Variants in MACROD2 observed in about 807,000 individuals in gnomAD.
MACROD2 encodes mono-ADP ribosylhydrolase 2.
MACROD2 carries 36 observed loss-of-function variants against 70.4 expected under a neutral mutation model. The ratio of observed to expected loss-of-function variants is 0.51; its 90% CI spans 0.39 to 0.68. The LOEUF (loss-of-function observed/expected upper bound fraction) is 0.68, where lower values mean the gene tolerates loss of function less well. Among genes scored for constraint, MACROD2 ranks in the 30% least tolerant of loss-of-function variants. The probability of loss-of-function intolerance (pLI) is 0.00; values close to 1 mark genes in which losing one functional copy is unlikely to be tolerated. For missense variants in MACROD2, 496 were observed against 538.4 expected, an observed-to-expected ratio of 0.92 and a Z score of 0.78; for synonymous variants, 172 against 178.8, an observed-to-expected ratio of 0.96 and a Z score of 0.30.
At chr20:15,350,936 A>G (rs1318747165) in intron 6 of MACROD2, among the ~76,000 whole-genome samples, 1 of 152,120 alleles carries the variant, frequency 6.6e-6, no homozygotes, top group Non-Finnish European at 1.5e-5. Context: ...ATAATAGCAA[A>G]ACAAAAACAA....
At chr20:15,482,106 T>G (rs1466831059) in intron 7 of MACROD2, among the ~76,000 whole-genome samples, 1 of 152,214 alleles carries the variant, frequency 6.6e-6, no homozygotes, top group African/African-American at 2.4e-5. Context: ...ACTGTCCTCT[T>G]CTCTGTTCTC....
At chr20:14,266,904 A>G (rs1055409668) in intron 3 of MACROD2, among the ~76,000 whole-genome samples, 4 of 152,206 alleles carry the variant, frequency 2.6e-5, no homozygotes, top group Non-Finnish European at 4.4e-5. Flanking sequence ...GTTTCTGTAG[A>G]ACATATTGTA....
At chr20:15,761,863 GA>G (rs2051441610) in intron 8 of MACROD2, among the ~76,000 whole-genome samples, 1 of 152,188 alleles carries the variant, frequency 6.6e-6, no homozygotes, top group Non-Finnish European at 1.5e-5. Flanking sequence ...GAAGACCTTT[GA>G]TTTCCTTCTC....
intron 6 of MACROD2, among the ~76,000 whole-genome samples, chr20:15,402,073 G>A (rs879640510): frequency 5.3e-5 from 8 of 152,112 alleles, no homozygotes; most frequent in African/African-American, 1.7e-4. Flanking sequence ...ACTCCTTGGC[G>A]GCATTTTCCA....
chr20:14,217,912 A>G (rs933116393), intron 3 of MACROD2, among the ~76,000 whole-genome samples: 1 of 151,958 alleles, frequency 6.6e-6, no homozygotes, highest in Non-Finnish European at 1.5e-5. Flanking sequence ...TTTCTTGGTT[A>G]ATCTTGCCTT....
intron 4 of MACROD2, among the ~76,000 whole-genome samples, chr20:14,510,648 G>T (rs1016461944): frequency 1.3e-5 from 2 of 152,034 alleles, no homozygotes; most frequent in Non-Finnish European, 2.9e-5. Context: ...AGATGAAGAA[G>T]AAGAGACCCA....
Position 14,237,757 on chromosome 20 carries a change from T to C in MACROD2, c.271+152029T>C, listed in dbSNP as rs570876225. On this transcript the variant is annotated intron_variant, in intron 3 of 17. Coordinates refer to ENST00000684519, the MANE Select transcript of MACROD2 (RefSeq NM_001351661.2). ...CCCTTTCTGTGTCCATGTGTTCTCA[T>C]TGTTCAATTCCCACCTATGAGTGAG... is the stretch of plus-strand genomic sequence containing the variant. 4.8e-5 allele frequency among the ~76,000 whole-genome samples: 7 copies of C among 145,130 alleles called. No individual in the cohort carries two copies. In the South Asian group the frequency reaches 1.6e-3, roughly 32 times the overall value.
intron 4 of MACROD2, among the ~76,000 whole-genome samples, chr20:14,590,619 A>T (rs1981701629): frequency 1.3e-5 from 2 of 151,990 alleles, no homozygotes; most frequent in African/African-American, 4.8e-5. Context: ...TCATGTTACT[A>T]TTTTTCCCGT....
intron 2 of MACROD2, among the ~76,000 whole-genome samples, chr20:14,060,086 AC>A (rs968183943): frequency 4.6e-5 from 7 of 152,204 alleles, no homozygotes; most frequent in Non-Finnish European, 1.0e-4. Flanking sequence ...ATAGGTTATG[AC>A]TACAGATTCA....
intron 8 of MACROD2, among the ~76,000 whole-genome samples, chr20:15,612,008 C>T (rs545901359): frequency 1.1e-4 from 16 of 151,562 alleles, no homozygotes; most frequent in African/African-American, 3.1e-4. Flanking sequence ...ACACATGTTG[C>T]AGTACTGCCC....
Position 14,612,144 on chromosome 20 carries a change from G to A in MACROD2, c.302-72699G>A, listed in dbSNP as rs146053748. Reference sequence around the variant, plus strand: ...TTAGGTGTAAATTATCTAGCCAGATGTTTAAGCACCAAAGGGAAACAAGTT... The same window carrying A: ...TTAGGTGTAAATTATCTAGCCAGATATTTAAGCACCAAAGGGAAACAAGTT... On this transcript the variant is annotated intron_variant, in intron 4 of 17. Transcript: ENST00000684519. 5.1e-3 allele frequency among the ~76,000 whole-genome samples: 782 copies of A among 152,234 alleles called. 8 individuals are homozygous for A. Among genetic ancestry groups the A allele is most frequent in the African/African-American group, 0.018 (746 of 41,568 alleles).
chr20:15,648,127 G>T (rs997121569), intron 8 of MACROD2, among the ~76,000 whole-genome samples: 1 of 152,222 alleles, frequency 6.6e-6, no homozygotes, highest in Non-Finnish European at 1.5e-5. Context: ...AACACTCAGG[G>T]AGGGAAGTGC....
intron 3 of MACROD2, among the ~76,000 whole-genome samples, chr20:14,461,212 T>C (rs766834965): frequency 1.3e-5 from 2 of 152,248 alleles, no homozygotes; most frequent in Middle Eastern, 3.4e-3. Flanking sequence ...TTTATTTGCA[T>C]AGAGGTATTT....
At position 14,226,450 on chromosome 20, in the gene MACROD2, C is replaced by A. The variant is rs990173017; in HGVS notation, c.271+140722C>A. Among the ~76,000 whole-genome samples the A allele has an allele frequency of 5.3e-5, 8 of 152,132 alleles. No individual in the cohort carries two copies. The East Asian group carries it at 1.5e-3, about 29-fold the overall frequency. On this transcript the variant is annotated intron_variant, in intron 3 of 17. Transcript: ENST00000684519. ...TCAGCCCACCGCTGCACTGTGTGAGCCCCTTTCTGGGCTGGCCAAGACTGG... is the reference window on the plus strand; with the variant it reads ...TCAGCCCACCGCTGCACTGTGTGAGACCCTTTCTGGGCTGGCCAAGACTGG...
intron 3 of MACROD2, among the ~76,000 whole-genome samples, chr20:14,245,988 A>G (rs1052086368): frequency 1.3e-5 from 2 of 152,220 alleles, no homozygotes; most frequent in Admixed American, 1.3e-4. Context: ...TAACCTATCC[A>G]TTTAAAGCTC....
intron 15 of MACROD2, among the ~76,000 whole-genome samples, chr20:16,025,983 TAAA>T (rs71192315): frequency 7.1e-6 from 1 of 139,970 alleles, no homozygotes; most frequent in African/African-American, 2.7e-5. Context: ...CCATCTCTAC[TAAA>T]AAAAAAAAAA....
intron 8 of MACROD2, among the ~76,000 whole-genome samples, chr20:15,786,823 T>C (rs1005534231): frequency 4.6e-5 from 7 of 152,194 alleles, no homozygotes; most frequent in Admixed American, 4.6e-4. Flanking sequence ...TAGTTATAAA[T>C]AGAATACAAA....
intron 16 of MACROD2, among the ~76,000 whole-genome samples, chr20:16,043,833 G>GTGCCT (rs1158384471): frequency 6.6e-6 from 1 of 152,086 alleles, no homozygotes; most frequent in Non-Finnish European, 1.5e-5. Flanking sequence ...TGTCAGTGAT[G>GTGCCT]TGCTTTGCTT....
At chr20:15,910,075 T>C (rs1450195451) in intron 10 of MACROD2, among the ~76,000 whole-genome samples, 1 of 152,194 alleles carries the variant, frequency 6.6e-6, no homozygotes, top group African/African-American at 2.4e-5. Flanking sequence ...AAATGAAGAA[T>C]TAATCTTATG....
Sources: allele counts gnomAD v4.1 joint callset (sites outside exome capture counted in the v4.1 genomes callset), GRCh38; gene constraint gnomAD v4.1.1; transcripts MANE v1.5; gene names NCBI Gene and HGNC (gene_info 2026-07-23, HGNC 2026-07-21).